Variants in KCNJ12 observed in about 807,000 individuals in gnomAD.
The protein encoded by KCNJ12 is potassium inwardly rectifying channel subfamily J member 12.
KCNJ12 carries 2 observed loss-of-function variants against 22.3 expected under a neutral mutation model. The ratio of observed to expected loss-of-function variants is 0.09; its 90% CI spans 0.04 to 0.28. The LOEUF is 0.28. KCNJ12 is among the 10% of genes least tolerant of loss of function. KCNJ12 has a pLI of 1.00. For synonymous variants in KCNJ12, 117 were observed against 261.4 expected, an observed-to-expected ratio of 0.45 and a Z score of 5.33; for missense variants, 155 against 633.3, an observed-to-expected ratio of 0.24 and a Z score of 8.11.
chr17:21,418,506 C>G lies in KCNJ12; in HGVS notation c.*1862C>G, dbSNP rs1457264538. On this transcript the variant is annotated 3_prime_UTR_variant, in exon 3 of 3. Transcript: ENST00000583088. ...GCCTCTTCCCTCCACCTCCTCCCCT[C>G]CTTAGCAGCTGAAGACTCAGCCCTG... 1 of 167,236 alleles carries G rather than the reference C, an allele frequency of 6.0e-6. No individual in the cohort carries two copies. The highest frequency in any genetic ancestry group is 1.5e-5 in the Non-Finnish European group (1 of 68,316). The allele number at this position is 167,236 out of a possible 1,614,324, so 10.4% of individuals were successfully genotyped here. A position where few individuals can be genotyped will look rare whatever the true frequency, so the allele number is the denominator to read the frequency against.
chr17:21,409,978 GTCA>G (rs1906225696), intron 2 of KCNJ12, among the ~76,000 whole-genome samples: 1 of 152,120 alleles, frequency 6.6e-6, no homozygotes. Flanking sequence ...GGTGTAAGAG[GTCA>G]TCATCTTCTT....
At chr17:21,409,310 G>A (rs1906178230) in intron 2 of KCNJ12, among the ~76,000 whole-genome samples, 2 of 152,304 alleles carry the variant, frequency 1.3e-5, no homozygotes, top group African/African-American at 2.4e-5. Flanking sequence ...AGGAGGAAGA[G>A]CAGGAGGAGA....
intron 1 of KCNJ12, among the ~76,000 whole-genome samples, chr17:21,384,191 C>T (rs988339338): frequency 1.1e-4 from 17 of 152,174 alleles, no homozygotes; most frequent in South Asian, 4.1e-4. Context: ...CTGCACTATG[C>T]GCACTGCTGT....
At chr17:21,411,537 G>T (rs1224680377) in intron 2 of KCNJ12, among the ~76,000 whole-genome samples, 23 of 152,306 alleles carry the variant, frequency 1.5e-4, no homozygotes, top group African/African-American at 5.3e-4. Context: ...ACCCTGGCAG[G>T]CCAACCTGGG....
At chr17:21,385,682 G>C (rs1396143093) in intron 1 of KCNJ12, among the ~76,000 whole-genome samples, 1 of 152,208 alleles carries the variant, frequency 6.6e-6, no homozygotes, top group Non-Finnish European at 1.5e-5. Flanking sequence ...AGGCTGGCCT[G>C]GGCCCTGCCA....
rs1433546861 is a variant in KCNJ12, at chr17:21,416,764, T to C, written c.*120T>C. 4 of 1,421,698 alleles carry C rather than the reference T, an allele frequency of 2.8e-6. No homozygotes were observed. Among genetic ancestry groups the C allele is most frequent in the Non-Finnish European group, 3.7e-6 (4 of 1,073,820 alleles). 88.1% of individuals were successfully genotyped at this position (1,421,698 alleles called of 1,614,324 possible). A position where few individuals can be genotyped will look rare whatever the true frequency, so the allele number is the denominator to read the frequency against. The stretch of plus-strand genomic sequence containing the variant: ...CCCTGGGTTGCAGACTCAGTAGCGT[T>C]TTAGTCGTTTTATGTTTCTTTGCAA... On this transcript the variant is annotated 3_prime_UTR_variant, in exon 3 of 3. Transcript: ENST00000583088.
chr17:21,381,625 T>G (rs1222076981), intron 1 of KCNJ12, among the ~76,000 whole-genome samples: 1 of 152,198 alleles, frequency 6.6e-6, no homozygotes. Flanking sequence ...CTTTCATGTC[T>G]TGCCCAGATG....
chr17:21,408,175 T>C (rs549279428), intron 1 of KCNJ12, among the ~76,000 whole-genome samples: 3 of 152,426 alleles, frequency 2.0e-5, no homozygotes, highest in South Asian at 2.1e-4. Flanking sequence ...TTCTCTGGAA[T>C]AGTAACAACA....
chr17:21,389,390 G>T (rs544034262), intron 1 of KCNJ12, among the ~76,000 whole-genome samples: 7 of 152,230 alleles, frequency 4.6e-5, no homozygotes, highest in Non-Finnish European at 2.9e-5. Flanking sequence ...CCCTTCACCC[G>T]TTCCCTAGAG....
At chr17:21,380,325 A>AG (rs538861058) in intron 1 of KCNJ12, among the ~76,000 whole-genome samples, 66 of 152,270 alleles carry the variant, frequency 4.3e-4, no homozygotes, top group African/African-American at 1.5e-3. Flanking sequence ...TGGAGACCCC[A>AG]GGCCCTGTTG....
chr17:21,399,467 C>T (rs1225420188), intron 1 of KCNJ12, among the ~76,000 whole-genome samples: 1 of 152,304 alleles, frequency 6.6e-6, no homozygotes, highest in East Asian at 1.9e-4. Flanking sequence ...GGACAAATGT[C>T]CTGCTAGATC....
intron 1 of KCNJ12, among the ~76,000 whole-genome samples, chr17:21,398,280 G>A (rs1905447972): frequency 6.6e-6 from 1 of 152,348 alleles, no homozygotes; most frequent in African/African-American, 2.4e-5. Context: ...ACACACCCAT[G>A]TGTGCCCATG....
intron 1 of KCNJ12, among the ~76,000 whole-genome samples, chr17:21,391,400 C>T (rs1905205843): frequency 6.6e-6 from 1 of 152,208 alleles, no homozygotes; most frequent in South Asian, 2.1e-4. Context: ...CTGTACCCCT[C>T]CAGCCTGCGT....
intron 1 of KCNJ12, among the ~76,000 whole-genome samples, chr17:21,387,170 A>G (rs1377617035): frequency 6.6e-6 from 1 of 151,296 alleles, no homozygotes; most frequent in Non-Finnish European, 1.5e-5. Context: ...ACAAAAACAA[A>G]AACAAAAACA....
chr17:21,383,078 C>T (rs372108641), intron 1 of KCNJ12, among the ~76,000 whole-genome samples: 2 of 151,974 alleles, frequency 1.3e-5, no homozygotes, highest in Middle Eastern at 3.4e-3. Flanking sequence ...GGGGAGGGGC[C>T]GGGGAGAAGG....
chr17:21,396,937 G>C (rs2142058581), intron 1 of KCNJ12, among the ~76,000 whole-genome samples: 2 of 152,324 alleles, frequency 1.3e-5, no homozygotes, highest in South Asian at 4.1e-4. Context: ...GGGTCTCCCA[G>C]GGCACAGATT....
chr17:21,409,855 G>T (rs1906218576), intron 2 of KCNJ12, among the ~76,000 whole-genome samples: 1 of 152,232 alleles, frequency 6.6e-6, no homozygotes, highest in East Asian at 1.9e-4. Flanking sequence ...CCTGCATTTG[G>T]CATAGGAAGC....
intron 1 of KCNJ12, among the ~76,000 whole-genome samples, chr17:21,378,761 C>A (rs1904761989): frequency 6.6e-6 from 1 of 152,098 alleles, no homozygotes; most frequent in Admixed American, 6.5e-5. Flanking sequence ...CCCTCATCCC[C>A]AGCACTGAAG....
In KCNJ12 at chr17:21,415,553, A is replaced by G. The variant is rs1555562444; in HGVS notation, c.211A>G (p.Met71Val). ...GAAGTCACAGCGCTACCTGGCTGAC[A>G]TGTTCACCACCTGTGTGGACATCCG... ...DEKSQRYLAD[M>V]FTTCVDIRWR... Residue 71 changes from methionine to valine, a missense_variant, in exon 3 of 3, where the codon ATG (methionine) becomes GTG (valine). Transcript: ENST00000583088. 6.2e-7 allele frequency: 1 copy of G among 1,614,276 alleles called. No individual in the cohort carries two copies. Among genetic ancestry groups the G allele is most frequent in the East Asian group, 2.2e-5 (1 of 44,896 alleles).
Sources: gnomAD v4.1 joint callset for allele counts (sites outside exome capture counted in the v4.1 genomes callset) on GRCh38, gnomAD v4.1.1 for gene constraint, MANE v1.5 for transcripts, NCBI Gene and HGNC (gene_info 2026-07-23, HGNC 2026-07-21) for gene names.